RPS6KC1: variants seen among roughly 807,000 people sequenced by gnomAD.
RPS6KC1 encodes the protein ribosomal protein S6 kinase C1.
RPS6KC1 carries 54 observed loss-of-function variants against 103.8 expected under a neutral mutation model. The observed-to-expected ratio is 0.52, with a 90% CI of 0.42 to 0.65. RPS6KC1 has a LOEUF of 0.65. RPS6KC1 is among the 30% of genes least tolerant of loss of function. The probability of loss-of-function intolerance (pLI) is 0.00; values close to 1 mark genes in which losing one functional copy is unlikely to be tolerated. For missense variants in RPS6KC1, 1,151 were observed against 1,253.8 expected, an observed-to-expected ratio of 0.92 and a Z score of 1.24; for synonymous variants, 439 against 438.7, an observed-to-expected ratio of 1.00 and a Z score of -0.01.
the RPS6KC1 span, among the ~76,000 whole-genome samples, chr1:213,856,737 G>T: frequency 6.6e-6 from 1 of 152,172 alleles, no homozygotes; most frequent in Non-Finnish European, 1.5e-5. Flanking sequence ...TCAATGTTTT[G>T]TTTCTTTTAA....
the RPS6KC1 span, among the ~76,000 whole-genome samples, chr1:213,563,544 TTTGGAG>T: frequency 7.2e-5 from 11 of 152,168 alleles, no homozygotes; most frequent in African/African-American, 2.7e-4. Flanking sequence ...TCCCACTTTA[TTTGGAG>T]TTGATCAAAC....
chr1:213,777,859 C>T, the RPS6KC1 span, among the ~76,000 whole-genome samples: 1 of 152,118 alleles, frequency 6.6e-6, no homozygotes. Context: ...TATTTATTGA[C>T]CACTTGGTAT....
chr1:213,114,811 C>G (rs954837402), intron 4 of RPS6KC1, among the ~76,000 whole-genome samples: 15 of 152,124 alleles, frequency 9.9e-5, no homozygotes, highest in African/African-American at 3.6e-4. Context: ...TTGAGATAAT[C>G]ATGTGGTTTT....
the RPS6KC1 span, among the ~76,000 whole-genome samples, chr1:213,787,460 A>G: frequency 6.6e-6 from 1 of 152,196 alleles, no homozygotes; most frequent in African/African-American, 2.4e-5. Flanking sequence ...GGAGTATTCA[A>G]GAAAGGAAAT....
At chr1:213,808,140 T>G in the RPS6KC1 span, among the ~76,000 whole-genome samples, 1 of 152,160 alleles carries the variant, frequency 6.6e-6, no homozygotes, top group African/African-American at 2.4e-5. Flanking sequence ...TCTGGAAGTT[T>G]TGTCTCAGAG....
At chr1:213,417,059 T>C in the RPS6KC1 span, among the ~76,000 whole-genome samples, 4 of 152,150 alleles carry the variant, frequency 2.6e-5, no homozygotes, top group Non-Finnish European at 5.9e-5. Context: ...AGATATGTGA[T>C]GTGGCACTTC....
the RPS6KC1 span, among the ~76,000 whole-genome samples, chr1:213,509,736 A>C: frequency 6.6e-6 from 1 of 152,214 alleles, no homozygotes; most frequent in Non-Finnish European, 1.5e-5. Context: ...TACATTTTAT[A>C]ATGTTCTCCC....
chr1:213,623,668 A>G, the RPS6KC1 span, among the ~76,000 whole-genome samples: 17,766 of 152,220 alleles, frequency 0.12, 1,830 homozygotes, highest in African/African-American at 0.28. Flanking sequence ...TTAGGAACTC[A>G]TTATTAGGCA....
At chr1:213,362,030 T>C in the RPS6KC1 span, among the ~76,000 whole-genome samples, 1 of 152,212 alleles carries the variant, frequency 6.6e-6, no homozygotes, top group African/African-American at 2.4e-5. Flanking sequence ...AACCCTTTTT[T>C]CTCTTTTTGC....
chr1:213,810,025 C>T, the RPS6KC1 span, among the ~76,000 whole-genome samples: 2 of 152,198 alleles, frequency 1.3e-5, no homozygotes, highest in African/African-American at 2.4e-5. Context: ...CAGCCTCTCA[C>T]CTCTCTCTAT....
chr1:213,566,637 C>T, the RPS6KC1 span, among the ~76,000 whole-genome samples: 2 of 151,482 alleles, frequency 1.3e-5, no homozygotes, highest in African/African-American at 2.4e-5. Flanking sequence ...TGTTACAATT[C>T]GGGTACCTTC....
intron 4 of RPS6KC1, among the ~76,000 whole-genome samples, chr1:213,116,661 A>G (rs1233379395): frequency 6.6e-6 from 1 of 151,110 alleles, no homozygotes; most frequent in East Asian, 1.9e-4. Flanking sequence ...TGGTCTTTAC[A>G]TTTTGGCATG....
At chr1:213,299,499 C>G in the RPS6KC1 span, among the ~76,000 whole-genome samples, 1 of 145,876 alleles carries the variant, frequency 6.9e-6, no homozygotes, top group Non-Finnish European at 1.5e-5. Context: ...TTGCAGTGAG[C>G]CAAGATGGCA....
chr1:213,398,301 C>T, the RPS6KC1 span, among the ~76,000 whole-genome samples: 17 of 151,598 alleles, frequency 1.1e-4, no homozygotes, highest in South Asian at 2.1e-3. Flanking sequence ...CTGCCTTCGG[C>T]CTCCCAAAGT....
chr1:213,101,131 A>G (rs1178080143), intron 3 of RPS6KC1, among the ~76,000 whole-genome samples: 1 of 152,152 alleles, frequency 6.6e-6, no homozygotes, highest in Non-Finnish European at 1.5e-5. Context: ...TCTGACTGGC[A>G]TGAGGTGGTG....
At chr1:213,323,364 G>A in the RPS6KC1 span, among the ~76,000 whole-genome samples, 2 of 152,308 alleles carry the variant, frequency 1.3e-5, no homozygotes, top group South Asian at 2.1e-4. Flanking sequence ...GCAGAAGCAC[G>A]AAGGCAGGTG....
the RPS6KC1 span, among the ~76,000 whole-genome samples, chr1:213,645,986 TGAGA>T: frequency 5.9e-5 from 9 of 151,974 alleles, no homozygotes; most frequent in Admixed American, 1.3e-4. Context: ...CCTGGTAACT[TGAGA>T]GAGAGAGAGA....
Position 213,240,898 on chromosome 1 carries a change from TAG to T in RPS6KC1, c.1423_1424del (p.Leu476TyrfsTer7). On this transcript the variant is annotated frameshift_variant, in exon 11 of 15. Coordinates refer to ENST00000366960, the MANE Select transcript of RPS6KC1 (RefSeq NM_012424.6). LOFTEE classifies it high-confidence loss of function. ...SMLKALPLKSSLTPSSQDDSN... is the reference protein window; with the variant it reads ...SMLKALPLKSXLTPSSQDDSN... ...TGCTTAAAGCTCTGCCTTTGAAGAGTAGTCTTACTCCAAGTTCTCAAGATGAC... is the reference window on the plus strand; with the variant it reads ...TGCTTAAAGCTCTGCCTTTGAAGAGTTCTTACTCCAAGTTCTCAAGATGAC... 6.2e-7 allele frequency: 1 copy of T among 1,613,670 alleles called. No homozygotes were observed. Among genetic ancestry groups the T allele is most frequent in the Non-Finnish European group, 8.5e-7 (1 of 1,179,820 alleles).
At chr1:213,643,703 T>C in the RPS6KC1 span, among the ~76,000 whole-genome samples, 1 of 151,976 alleles carries the variant, frequency 6.6e-6, no homozygotes, top group African/African-American at 2.4e-5. Context: ...GAAAAGGTCT[T>C]TGTTTTATTC....
Sources: allele counts gnomAD v4.1 joint callset (sites outside exome capture counted in the v4.1 genomes callset), GRCh38; gene constraint gnomAD v4.1.1; transcripts MANE v1.5; gene names NCBI Gene and HGNC (gene_info 2026-07-23, HGNC 2026-07-21).